ASH1L: variants seen among roughly 807,000 people sequenced by gnomAD.
ASH1L encodes the protein ASH1 like histone lysine methyltransferase, also known as histone-lysine N-methyltransferase ASH1L.
ASH1L carries 23 observed loss-of-function variants against 269.0 expected under a neutral mutation model. The ratio of observed to expected loss-of-function variants is 0.09; its 90% CI spans 0.06 to 0.12. The LOEUF (loss-of-function observed/expected upper bound fraction) is 0.12, where lower values mean the gene tolerates loss of function less well. Among genes scored for constraint, ASH1L ranks in the 10% least tolerant of loss-of-function variants. The probability of loss-of-function intolerance (pLI) is 1.00; values close to 1 mark genes in which losing one functional copy is unlikely to be tolerated. For missense variants in ASH1L, 2,912 were observed against 3,567.8 expected (o/e 0.82, Z 4.68); for synonymous variants, 1,187 against 1,253.5 (o/e 0.95, Z 1.12).
At chr1:155,422,948 T>G (rs892577318) in intron 5 of ASH1L, among the ~76,000 whole-genome samples, 3 of 144,230 alleles carry the variant, frequency 2.1e-5, no homozygotes, top group African/African-American at 7.8e-5. Flanking sequence ...TGAGCTGGCC[T>G]TTCTTTTTTT....
chr1:155,553,260 A>C (rs1032507116), intron 1 of ASH1L, among the ~76,000 whole-genome samples: 1 of 152,234 alleles, frequency 6.6e-6, no homozygotes, highest in Non-Finnish European at 1.5e-5. Flanking sequence ...GGCCTGATTA[A>C]CTAGAATGCT....
intron 25 of ASH1L, among the ~76,000 whole-genome samples, chr1:155,340,638 G>A (rs576150779): frequency 3.9e-5 from 6 of 152,166 alleles, no homozygotes; most frequent in African/African-American, 7.2e-5. Flanking sequence ...ATGACAAAAC[G>A]TATAATTGGC....
chr1:155,538,981 A>G (rs1275166035), intron 1 of ASH1L, among the ~76,000 whole-genome samples: 5 of 152,086 alleles, frequency 3.3e-5, no homozygotes, highest in African/African-American at 7.2e-5. Flanking sequence ...TCAAACTACT[A>G]CAGGTTACTA....
chr1:155,467,446 T>C (rs913418769), intron 3 of ASH1L, among the ~76,000 whole-genome samples: 4 of 152,220 alleles, frequency 2.6e-5, no homozygotes, highest in African/African-American at 9.6e-5. Flanking sequence ...TACAGAACAG[T>C]ATATGTTAGA....
At chr1:155,434,291 A>C in intron 5 of ASH1L, 14 of 1,583,568 alleles carry the variant, frequency 8.8e-6, no homozygotes, top group Non-Finnish European at 1.2e-5. Context: ...AATGGGGGAC[A>C]GGGGGAGGGG....
intron 15 of ASH1L, among the ~76,000 whole-genome samples, chr1:155,356,875 G>T (rs1301218432): frequency 6.6e-6 from 1 of 150,902 alleles, no homozygotes; most frequent in East Asian, 2.0e-4. Context: ...GATAGCTTGA[G>T]CCCAGGAGTT....
chr1:155,403,100 G>A (rs761227952), intron 6 of ASH1L, among the ~76,000 whole-genome samples: 1 of 151,596 alleles, frequency 6.6e-6, no homozygotes, highest in South Asian at 2.1e-4. Flanking sequence ...CAGGAGAATC[G>A]CTTGAACCTG....
intron 3 of ASH1L, among the ~76,000 whole-genome samples, chr1:155,463,184 A>C (rs879458841): frequency 2.6e-5 from 4 of 152,212 alleles, no homozygotes; most frequent in Admixed American, 6.5e-5. Flanking sequence ...GTCCAATTCA[A>C]CAGAGACCAA....
At chr1:155,463,034 T>C (rs1265213128) in intron 3 of ASH1L, among the ~76,000 whole-genome samples, 1 of 152,188 alleles carries the variant, frequency 6.6e-6, no homozygotes, top group Non-Finnish European at 1.5e-5. Flanking sequence ...ATGTTCAAAG[T>C]ATGTTAAAAT....
At chr1:155,503,521 C>A (rs185051832) in intron 2 of ASH1L, among the ~76,000 whole-genome samples, 474 of 152,254 alleles carry the variant, frequency 3.1e-3, no homozygotes, top group Middle Eastern at 0.01. Flanking sequence ...GTTCTGGTTA[C>A]AATTTCACCT....
At chr1:155,547,789 G>A (rs1280245037) in intron 1 of ASH1L, among the ~76,000 whole-genome samples, 2 of 151,674 alleles carry the variant, frequency 1.3e-5, no homozygotes, top group African/African-American at 4.8e-5. Context: ...TGGCTAACAG[G>A]GTGAAACCCC....
intron 2 of ASH1L, among the ~76,000 whole-genome samples, chr1:155,494,422 A>G (rs749860681): frequency 6.6e-6 from 1 of 152,208 alleles, no homozygotes; most frequent in Non-Finnish European, 1.5e-5. Flanking sequence ...TCATTCAACA[A>G]TATTTATGGG....
intron 1 of ASH1L, among the ~76,000 whole-genome samples, chr1:155,522,145 T>A (rs575543905): frequency 1.4e-4 from 21 of 152,346 alleles, no homozygotes; most frequent in African/African-American, 5.1e-4. Context: ...AAATTCTTTT[T>A]AAATTATCTC....
At chr1:155,526,214 C>G (rs983219472) in intron 1 of ASH1L, among the ~76,000 whole-genome samples, 2 of 152,110 alleles carry the variant, frequency 1.3e-5, no homozygotes, top group African/African-American at 2.4e-5. Flanking sequence ...CAATAAATAG[C>G]TGAATAAATG....
At chr1:155,476,621 G>A (rs919656161) in intron 3 of ASH1L, among the ~76,000 whole-genome samples, 6 of 150,044 alleles carry the variant, frequency 4.0e-5, no homozygotes, top group African/African-American at 9.8e-5. Context: ...GTGCTATCTC[G>A]GCTCACTGCA....
chr1:155,419,169 C>T (rs1045631186), intron 5 of ASH1L, among the ~76,000 whole-genome samples: 25 of 151,860 alleles, frequency 1.6e-4, no homozygotes, highest in African/African-American at 5.1e-4. Flanking sequence ...GTGTGGCTGA[C>T]GCAGGAGGAT....
chr1:155,478,539 T>C lies in ASH1L; in HGVS notation c.4331A>G (p.His1444Arg), dbSNP rs759107318. Residue 1444 changes from histidine (H) to arginine (R), a missense_variant, in exon 3 of 28, where the codon CAT becomes CGT. His to Arg is a conservative substitution (Grantham distance 29). Transcript: ENST00000392403. This position sits in a 1 kb window ranked among gnomAD's most constrained non-coding sequence, Gnocchi z 4.6. ...LNPAKYHKKK[H>R]KLLRQEAFLT... The stretch of plus-strand genomic sequence containing the variant: ...AAAGGCCTCCTGTCGAAGTAGCTTA[T>C]GCTTTTTCTTATGGTATTTGGCAGG... The C allele has an allele frequency of 2.5e-6, 4 of 1,614,110 alleles. No homozygotes were observed. The highest frequency in any genetic ancestry group is 3.4e-6 in the Non-Finnish European group (4 of 1,180,018).
chr1:155,547,275 A>G (rs1261224940), intron 1 of ASH1L, among the ~76,000 whole-genome samples: 1 of 151,062 alleles, frequency 6.6e-6, no homozygotes, highest in African/African-American at 2.4e-5. Context: ...CACAACTACC[A>G]TTTAAAAAAA....
At chr1:155,383,003 G>GT (rs1657116582) in intron 7 of ASH1L, among the ~76,000 whole-genome samples, 1 of 152,176 alleles carries the variant, frequency 6.6e-6, no homozygotes, top group South Asian at 2.1e-4. Context: ...GATTACAGGC[G>GT]TAAGCCGCCA....
Sources: gnomAD v4.1 joint callset for allele counts (sites outside exome capture counted in the v4.1 genomes callset) on GRCh38, gnomAD v4.1.1 for gene constraint, Gnocchi (gnomAD v3.1) non-coding constraint, MANE v1.5 for transcripts, NCBI Gene and HGNC (gene_info 2026-07-23, HGNC 2026-07-21) for gene names.